MYO7A: variants seen among roughly 807,000 people sequenced by gnomAD.
The protein encoded by MYO7A is unconventional myosin-VIIa.
In MYO7A, 210 loss-of-function variants were observed where a neutral mutation model predicts 263.8. That is an observed-to-expected ratio of 0.80 (90% CI 0.71 to 0.89). MYO7A has a LOEUF of 0.89. Ranked by LOEUF, MYO7A falls within the 40% of genes least tolerant of loss-of-function variation. The pLI is 0.00. For missense variants in MYO7A, 2,820 were observed against 2,968.3 expected, an observed-to-expected ratio of 0.95 and a Z score of 1.16; for synonymous variants, 1,239 against 1,197.3, an observed-to-expected ratio of 1.03 and a Z score of -0.72.
At position 77,201,487 on chromosome 11, in the gene MYO7A, AC is replaced by A. The variant is rs1188637368; in HGVS notation, c.4894del (p.Leu1632SerfsTer13). The A allele has an allele frequency of 1.2e-6, 2 of 1,613,810 alleles. No individual in the cohort carries two copies. The highest frequency in any genetic ancestry group is 2.7e-5 in the African/African-American group (2 of 74,980). The part of the protein sequence containing the change: ...ESGFLSFAKG[D>X]LIILDHDTGE... ...GGCTTCCTCAGCTTTGCCAAGGGAG[AC>A]CTCATCATCCTGGACCATGACACGG... On this transcript the variant is annotated frameshift_variant, in exon 36 of 49. Transcript: ENST00000409709. LOFTEE classifies it high-confidence loss of function.
chr11:77,155,252 G>C (rs956877377), intron 4 of MYO7A, among the ~76,000 whole-genome samples: 1 of 152,282 alleles, frequency 6.6e-6, no homozygotes, highest in Non-Finnish European at 1.5e-5. Context: ...AGGAGCCCAA[G>C]TAGAGAACCT....
chr11:77,170,817 T>C lies in MYO7A; in HGVS notation c.1798-1931T>C, dbSNP rs371632389. On this transcript the variant is annotated intron_variant, in intron 15 of 48. Coordinates refer to ENST00000409709, the MANE Select transcript of MYO7A (RefSeq NM_000260.4). Reference sequence around the variant, plus strand: ...CTGGTGGCTGGGACCAGGCTGACGGTGGAGGAAGTGGTGAGGGGTCAGGTT... The same window carrying C: ...CTGGTGGCTGGGACCAGGCTGACGGCGGAGGAAGTGGTGAGGGGTCAGGTT... 4.7e-4 allele frequency among the ~76,000 whole-genome samples: 72 copies of C among 151,862 alleles called. No homozygotes were observed. In the Middle Eastern group the frequency reaches 0.021, roughly 43 times the overall value.
At chr11:77,149,907 A>C (rs1555056278) in intron 4 of MYO7A, among the ~76,000 whole-genome samples, 2 of 151,444 alleles carry the variant, frequency 1.3e-5, no homozygotes, top group South Asian at 2.1e-4. Context: ...CAGGGCACCC[A>C]CCCGCCGTAT....
chr11:77,142,720 G>A lies in MYO7A; in HGVS notation c.30G>A (p.Val10=), dbSNP rs782266200. 2.5e-6 allele frequency: 4 copies of A among 1,610,498 alleles called. No homozygotes were observed. The highest frequency in any genetic ancestry group is 2.2e-5 in the East Asian group (1 of 44,808). ...TCTCTCGCCCATAGGGGGACCATGT[G>A]TGGATGGACCTGAGATTGGGGCAGG... MVILQQGDH[V]WMDLRLGQEF... is the part of the protein sequence containing the mutation. The change falls in exon 3 of 49, where the codon GTG becomes GTA. Residue 10 remains valine (V), a synonymous_variant. Transcript: ENST00000409709.
At chr11:77,196,972 T>C (rs1230414670) in intron 32 of MYO7A, among the ~76,000 whole-genome samples, 1 of 152,186 alleles carries the variant, frequency 6.6e-6, no homozygotes, top group Admixed American at 6.5e-5. Context: ...CAGGCTCCAG[T>C]TCTCCCTTGA....
chr11:77,202,191 A>C (rs1352712947), intron 36 of MYO7A, 109 bp from the exon 37 acceptor site: 1 of 1,367,094 alleles, frequency 7.3e-7, no homozygotes, highest in Non-Finnish European at 9.7e-7. Context: ...CATGGGGTCC[A>C]TACCCCTGAA....
chr11:77,181,342 GCTGACC>G, intron 22 of MYO7A, 32 bp from the exon 23 acceptor site: 1 of 1,523,244 alleles, frequency 6.6e-7, no homozygotes. Flanking sequence ...GGCACCGGGG[GCTGACC>G]CCGTGTCTTC....
At chr11:77,154,395 G>A (rs1331514036) in intron 4 of MYO7A, among the ~76,000 whole-genome samples, 2 of 152,174 alleles carry the variant, frequency 1.3e-5, no homozygotes, top group African/African-American at 2.4e-5. Context: ...GGGGTCCACA[G>A]GTCCTGATCT....
chr11:77,172,203 C>T (rs1294839106), intron 15 of MYO7A, among the ~76,000 whole-genome samples: 2 of 152,222 alleles, frequency 1.3e-5, no homozygotes, highest in South Asian at 2.1e-4. Context: ...ACCCTTGTCA[C>T]AGCCTGGTCA....
intron 32 of MYO7A, among the ~76,000 whole-genome samples, chr11:77,195,143 G>A (rs924300983): frequency 6.6e-6 from 1 of 152,064 alleles, no homozygotes; most frequent in African/African-American, 2.4e-5. Context: ...GGGCACCACA[G>A]ACCCGGATCT....
rs80219976 is a variant in MYO7A, at chr11:77,142,228, C to T, written c.19-481C>T. On this transcript the variant is annotated intron_variant, in intron 2 of 48. Coordinates refer to ENST00000409709, the MANE Select transcript of MYO7A (RefSeq NM_000260.4). The stretch of plus-strand genomic sequence containing the variant: ...CTGAACCCTTCTCTAGTGCCCAGCA[C>T]GGAGTGGTGTCCCTGTGAGGAACCT... 7.9e-5 allele frequency among the ~76,000 whole-genome samples: 12 copies of T among 152,306 alleles called. No individual in the cohort carries two copies. The East Asian group carries it at 2.3e-3, about 29-fold the overall frequency.
rs758832749 is a variant in MYO7A at position 77,199,767 on chromosome 11, C to T, written c.4801C>T (p.Leu1601Phe). ...CCTGGTGGTCACCTTCCTAGAGGGGCTCCGGAAGAGATCTAAGTATGTTGT... is the reference window on the plus strand; with the variant it reads ...CCTGGTGGTCACCTTCCTAGAGGGGTTCCGGAAGAGATCTAAGTATGTTGT... ...RDLVVTFLEG[L>F]RKRSKYVVAL... Residue 1601 changes from leucine to phenylalanine, a missense_variant, in exon 35 of 49, where the codon CTC becomes TTC. By Grantham distance (22) the Leu-to-Phe change is conservative. Coordinates refer to ENST00000409709, the MANE Select transcript of MYO7A (RefSeq NM_000260.4). 5 of 1,611,806 alleles carry T rather than the reference C, an allele frequency of 3.1e-6. No homozygotes were observed. In the South Asian group the frequency reaches 4.4e-5, roughly 14 times the overall value.
At chr11:77,181,087 C>T (rs1955141429) in intron 22 of MYO7A, among the ~76,000 whole-genome samples, 1 of 152,244 alleles carries the variant, frequency 6.6e-6, no homozygotes, top group Non-Finnish European at 1.5e-5. Flanking sequence ...TGGTCTAGAG[C>T]CTCAAGCCAA....
chr11:77,185,694 G>A (rs577790401), intron 27 of MYO7A, among the ~76,000 whole-genome samples: 3 of 152,104 alleles, frequency 2.0e-5, no homozygotes, highest in South Asian at 2.1e-4. Context: ...CTCCTTCTAC[G>A]AATCATGAAT....
chr11:77,197,139 C>T (rs1158667492), intron 32 of MYO7A, among the ~76,000 whole-genome samples: 2 of 152,234 alleles, frequency 1.3e-5, no homozygotes, highest in Admixed American at 6.5e-5. Context: ...GCACACGCCT[C>T]CTACTGACCC....
rs371825664 is a variant in MYO7A at position 77,211,124 on chromosome 11, C to T, written c.6052-28C>T. ...AGCCCACTTCTGCCAGGTCCCTGCA[C>T]GCCTGTGACCTGCTCTGTCTCTGAC... is the stretch of plus-strand genomic sequence containing the variant. On this transcript the variant is annotated intron_variant, in intron 44 of 48. Transcript: ENST00000409709. 1.5e-4 allele frequency: 227 copies of T among 1,525,758 alleles called. 1 individual carries two copies. The African/African-American group carries it at 2.2e-3, about 15-fold the overall frequency. The allele number at this position is 1,525,758 out of a possible 1,614,324, so 94.5% of individuals were successfully genotyped here. A position where few individuals can be genotyped will look rare whatever the true frequency, so the allele number is the denominator to read the frequency against.
At chr11:77,213,346 G>A (rs1487407885) in intron 47 of MYO7A, among the ~76,000 whole-genome samples, 2 of 152,246 alleles carry the variant, frequency 1.3e-5, no homozygotes, top group Non-Finnish European at 2.9e-5. Flanking sequence ...GGGTGACCGT[G>A]CATCTGTGTT....
intron 19 of MYO7A, among the ~76,000 whole-genome samples, chr11:77,178,536 C>T (rs1383992810): frequency 6.6e-6 from 1 of 152,144 alleles, no homozygotes; most frequent in Admixed American, 6.5e-5. Context: ...TTATTTATTT[C>T]TACATTCAGC....
In MYO7A at chr11:77,203,136, C is replaced by T. The variant is rs757984734; in HGVS notation, c.5245C>T (p.Arg1749Trp). Residue 1749 changes from arginine to tryptophan, a missense_variant, in exon 38 of 49, where the codon CGG becomes TGG. Transcript: ENST00000409709. ...CAAGGACCGGCTGTGGAGCCACACGCGGGAACCGCTCAAGCAGGCGCTGCT... is the reference window on the plus strand; with the variant it reads ...CAAGGACCGGCTGTGGAGCCACACGTGGGAACCGCTCAAGCAGGCGCTGCT... ...RGKDRLWSHTREPLKQALLKK... is the reference protein window; with the variant it reads ...RGKDRLWSHTWEPLKQALLKK... 22 of 1,550,642 alleles carry T rather than the reference C, an allele frequency of 1.4e-5. No individual in the cohort carries two copies. The highest frequency in any genetic ancestry group is 2.3e-4 in the Middle Eastern group (1 of 4,410).
Sources: allele counts gnomAD v4.1 joint callset (sites outside exome capture counted in the v4.1 genomes callset), GRCh38; gene constraint gnomAD v4.1.1; transcripts MANE v1.5; gene names NCBI Gene and HGNC (gene_info 2026-07-23, HGNC 2026-07-21).